Variants in UBE2E2 observed in about 807,000 individuals in gnomAD.
UBE2E2 encodes ubiquitin-conjugating enzyme E2 E2.
Under a neutral mutation model 24.7 loss-of-function variants are expected in UBE2E2, and 6 were observed. That is an observed-to-expected ratio of 0.24 (90% CI 0.13 to 0.48). The LOEUF (loss-of-function observed/expected upper bound fraction) is 0.48. Among genes scored for constraint, UBE2E2 ranks in the 20% least tolerant of loss-of-function variants. The pLI is 0.99. For missense variants in UBE2E2, 169 were observed against 245.0 expected (o/e 0.69, Z 2.07); for synonymous variants, 104 against 83.6 (o/e 1.24, Z -1.33).
intron 5 of UBE2E2, among the ~76,000 whole-genome samples, chr3:23,550,709 C>T (rs1695622685): frequency 6.6e-6 from 1 of 152,082 alleles, no homozygotes; most frequent in African/African-American, 2.4e-5. Flanking sequence ...GAAGTAAGCC[C>T]TACAATTGTC....
At chr3:23,475,951 T>C (rs1483532863) in intron 3 of UBE2E2, among the ~76,000 whole-genome samples, 1 of 152,108 alleles carries the variant, frequency 6.6e-6, no homozygotes, top group Admixed American at 6.5e-5. Context: ...TCAGGAGGCC[T>C]TCACAGGACT....
intron 3 of UBE2E2, among the ~76,000 whole-genome samples, chr3:23,223,023 CCCT>C (rs1340361489): frequency 5.6e-5 from 6 of 106,438 alleles, no homozygotes; most frequent in East Asian, 3.2e-4. Flanking sequence ...TGCCCCCCCC[CCCT>C]TTTTTTTTTT....
intron 3 of UBE2E2, among the ~76,000 whole-genome samples, chr3:23,445,070 G>T (rs1698396638): frequency 6.6e-6 from 1 of 152,070 alleles, no homozygotes; most frequent in African/African-American, 2.4e-5. Context: ...ATGTCATATT[G>T]AGTGGTTGTC....
At chr3:23,260,503 A>G (rs1697866265) in intron 3 of UBE2E2, among the ~76,000 whole-genome samples, 2 of 152,106 alleles carry the variant, frequency 1.3e-5, no homozygotes, top group African/African-American at 4.8e-5. Context: ...TGTCCCTATA[A>G]TCTAATTTCT....
chr3:23,286,941 G>C (rs1383422854), intron 3 of UBE2E2, among the ~76,000 whole-genome samples: 2 of 152,002 alleles, frequency 1.3e-5, no homozygotes, highest in East Asian at 3.8e-4. Context: ...TTCTTTTTCA[G>C]ATTGTTTGCT....
intron 3 of UBE2E2, among the ~76,000 whole-genome samples, chr3:23,251,147 C>G (rs1306078906): frequency 6.6e-6 from 1 of 152,210 alleles, no homozygotes; most frequent in Admixed American, 6.5e-5. Context: ...TAGCCTGTGA[C>G]AGGAGCTTTT....
chr3:23,434,507 A>G (rs1286049006), intron 3 of UBE2E2, among the ~76,000 whole-genome samples: 1 of 152,166 alleles, frequency 6.6e-6, no homozygotes, highest in Non-Finnish European at 1.5e-5. Flanking sequence ...TGTGTGTCCA[A>G]AGGAGTTCTC....
intron 5 of UBE2E2, among the ~76,000 whole-genome samples, chr3:23,556,207 C>T (rs535496416): frequency 3.9e-5 from 5 of 126,786 alleles, no homozygotes; most frequent in Admixed American, 9.8e-5. Flanking sequence ...TGCAGTGGTG[C>T]GATCTCAGCT....
chr3:23,521,652 T>C (rs1424581019), intron 4 of UBE2E2, among the ~76,000 whole-genome samples: 1 of 152,218 alleles, frequency 6.6e-6, no homozygotes. Context: ...GGGCCCAGGA[T>C]GGCTTTGAAT....
At chr3:23,380,971 T>C (rs1259815493) in intron 3 of UBE2E2, among the ~76,000 whole-genome samples, 1 of 152,224 alleles carries the variant, frequency 6.6e-6, no homozygotes, top group African/African-American at 2.4e-5. Context: ...TATTTTCATC[T>C]TCAGTAGTCT....
chr3:23,397,867 T>C (rs989732155), intron 3 of UBE2E2, among the ~76,000 whole-genome samples: 2 of 152,232 alleles, frequency 1.3e-5, no homozygotes, highest in African/African-American at 2.4e-5. Context: ...TTTCGTTCAG[T>C]TGAAGATGTC....
intron 3 of UBE2E2, among the ~76,000 whole-genome samples, chr3:23,289,968 T>G (rs1698718276): frequency 6.6e-6 from 1 of 151,502 alleles, no homozygotes. Flanking sequence ...TTACGGAGCA[T>G]ATATGCATGC....
chr3:23,292,194 C>T (rs760574780), intron 3 of UBE2E2, among the ~76,000 whole-genome samples: 1 of 152,044 alleles, frequency 6.6e-6, no homozygotes, highest in Non-Finnish European at 1.5e-5. Context: ...GCCTAGGCTG[C>T]TCAAACTCCT....
chr3:23,500,287 G>T (rs974061700), intron 4 of UBE2E2, among the ~76,000 whole-genome samples: 2 of 152,050 alleles, frequency 1.3e-5, no homozygotes, highest in East Asian at 3.8e-4. Flanking sequence ...AAAAAATTTC[G>T]TAAAGTATTT....
chr3:23,361,159 A>G (rs1017579191), intron 3 of UBE2E2, among the ~76,000 whole-genome samples: 3 of 152,210 alleles, frequency 2.0e-5, no homozygotes, highest in African/African-American at 4.8e-5. Context: ...AATGGCCATA[A>G]TTTAAAAATA....
rs374563993 is a variant in UBE2E2 at position 23,459,973 on chromosome 3, T to A, written c.228-39635T>A. On this transcript the variant is annotated intron_variant, in intron 3 of 5. Transcript: ENST00000396703. Reference sequence around the variant, plus strand: ...AAGTATTTTTCCCCATTCCTTAATTTCAAATCCTGTGAGTTTGGGTAGGGG... The same window carrying A: ...AAGTATTTTTCCCCATTCCTTAATTACAAATCCTGTGAGTTTGGGTAGGGG... 7.2e-5 allele frequency among the ~76,000 whole-genome samples: 11 copies of A among 152,332 alleles called. No individual in the cohort carries two copies. In the East Asian group the frequency reaches 1.2e-3, roughly 16 times the overall value.
At chr3:23,242,076 A>G (rs1481246580) in intron 3 of UBE2E2, among the ~76,000 whole-genome samples, 1 of 151,858 alleles carries the variant, frequency 6.6e-6, no homozygotes, top group Non-Finnish European at 1.5e-5. Flanking sequence ...CACCTAGCTA[A>G]ATTTTTATTT....
Position 23,550,838 on chromosome 3 carries a change from GAT to G in UBE2E2, c.508+18138_508+18139del, listed in dbSNP as rs1224350215. Among the ~76,000 whole-genome samples the G allele has an allele frequency of 3.9e-5, 6 of 152,272 alleles. No homozygotes were observed. In the East Asian group the frequency reaches 1.2e-3, roughly 29 times the overall value. ...AGAGATAGGAGTTTGGGAAGATCAA[GAT>G]GGCTAGCATTTGTGGGGCAGAAACC... On this transcript the variant is annotated intron_variant, in intron 5 of 5. Coordinates refer to ENST00000396703, the MANE Select transcript of UBE2E2 (RefSeq NM_152653.4).
chr3:23,565,844 T>G (rs1275223944), intron 5 of UBE2E2, among the ~76,000 whole-genome samples: 1 of 152,160 alleles, frequency 6.6e-6, no homozygotes, highest in Non-Finnish European at 1.5e-5. Flanking sequence ...CCACCTCTTT[T>G]CTTTCCTCCT....
Sources: gnomAD v4.1 joint callset for allele counts (sites outside exome capture counted in the v4.1 genomes callset) on GRCh38, gnomAD v4.1.1 for gene constraint, MANE v1.5 for transcripts, NCBI Gene and HGNC (gene_info 2026-07-23, HGNC 2026-07-21) for gene names.